LSAMP: variants seen among roughly 807,000 people sequenced by gnomAD.
LSAMP encodes the protein limbic system associated membrane protein, also known as limbic system-associated membrane protein.
LSAMP carries 7 observed loss-of-function variants against 38.6 expected under a neutral mutation model. The observed-to-expected ratio is 0.18, with a 90% CI of 0.10 to 0.34. The LOEUF (loss-of-function observed/expected upper bound fraction) is 0.34, where lower values mean the gene tolerates loss of function less well. LSAMP is among the 10% of genes least tolerant of loss of function. The pLI, the probability that LSAMP is intolerant of heterozygous loss-of-function variation, is 1.00. For synonymous variants in LSAMP, 154 were observed against 166.8 expected (o/e 0.92, Z 0.59); for missense variants, 313 against 420.0 (o/e 0.75, Z 2.23).
In LSAMP at chr3:115,859,596, C is replaced by T. The variant is rs150796475; in HGVS notation, c.515-6979G>A. Among the ~76,000 whole-genome samples the T allele has an allele frequency of 7.6e-4, 115 of 152,292 alleles. 2 individuals are homozygous for T. In the East Asian group the frequency reaches 0.02, roughly 26 times the overall value. The stretch of plus-strand genomic sequence containing the variant: ...CAAATTGGCCCCATGCCTTCTGCAA[C>T]CCCAAAGGATGTAGTTAGTACCCAG... On this transcript the variant is annotated intron_variant, in intron 3 of 6. Transcript: ENST00000490035.
In LSAMP at chr3:116,435,039, G is replaced by A. The variant is rs371919408; in HGVS notation, c.155+9838C>T. ...TTAACCAAAGCAGGAAGAAGCACTA[G>A]TTCAGTTCTTACTTAATGTCAGACC... On this transcript the variant is annotated intron_variant, in intron 1 of 6. Coordinates refer to ENST00000490035, the MANE Select transcript of LSAMP (RefSeq NM_002338.5). Among the ~76,000 whole-genome samples the A allele has an allele frequency of 2.6e-5, 4 of 152,280 alleles. No homozygotes were observed. In the South Asian group the frequency reaches 8.3e-4, roughly 32 times the overall value.
At position 116,019,517 on chromosome 3, in the gene LSAMP, G is replaced by C; in HGVS notation, c.512C>G (p.Thr171Ser). Residue 171 changes from threonine (T) to serine (S), a missense_variant and splice_region_variant, in exon 3 of 7, where the codon ACT becomes AGT. Thr to Ser is a moderately conservative substitution (Grantham distance 58). Transcript: ENST00000490035. ...TTGGAACCTGGAGTATTGCTTACCA[G>C]TTGGTGTAAGGTGTCTCCAGGTGAT... Reference protein sequence around the residue: ...PVITWRHLTPTGREFEGEEEY... With the variant: ...PVITWRHLTPSGREFEGEEEY... 1 of 1,611,778 alleles carries C rather than the reference G, an allele frequency of 6.2e-7. No individual in the cohort carries two copies. Among genetic ancestry groups the C allele is most frequent in the Non-Finnish European group, 8.5e-7 (1 of 1,178,414 alleles).
chr3:116,271,441 C>A (rs535960188), intron 1 of LSAMP, among the ~76,000 whole-genome samples: 1 of 152,022 alleles, frequency 6.6e-6, no homozygotes, highest in East Asian at 1.9e-4. Context: ...AAATAACACT[C>A]CAAGGAGTTA....
intron 3 of LSAMP, among the ~76,000 whole-genome samples, chr3:115,904,534 T>G (rs534238321): frequency 6.4e-4 from 98 of 152,208 alleles, no homozygotes; most frequent in Non-Finnish European, 1.2e-3. Flanking sequence ...ACCAAACACT[T>G]TACAACTTAT....
intron 1 of LSAMP, among the ~76,000 whole-genome samples, chr3:116,091,910 C>T (rs1015762418): frequency 1.3e-5 from 2 of 152,224 alleles, no homozygotes; most frequent in Non-Finnish European, 1.5e-5. Context: ...CTATAAAGTG[C>T]CACCTCTTCA....
Position 116,312,158 on chromosome 3 carries a change from C to T in LSAMP, c.155+132719G>A, listed in dbSNP as rs149631010. Among the ~76,000 whole-genome samples, 722 of 152,236 alleles carry T rather than the reference C, an allele frequency of 4.7e-3. 4 individuals are homozygous for T. The highest frequency in any genetic ancestry group is 0.016 in the African/African-American group (684 of 41,556). On this transcript the variant is annotated intron_variant, in intron 1 of 6. Transcript: ENST00000490035. ...AAAATCTTTTGCTTCACCCTAAATT[C>T]GCATGTACTCCCACATTTTCCTCTC...
intron 2 of LSAMP, among the ~76,000 whole-genome samples, chr3:116,027,810 G>C (rs556400216): frequency 2.6e-5 from 4 of 152,310 alleles, no homozygotes; most frequent in South Asian, 2.1e-4. Flanking sequence ...CAGAGTAGGA[G>C]AGAAAAGTGG....
At chr3:115,893,380 A>C (rs1445301535) in intron 3 of LSAMP, among the ~76,000 whole-genome samples, 1 of 152,038 alleles carries the variant, frequency 6.6e-6, no homozygotes, top group Admixed American at 6.6e-5. Flanking sequence ...AATATTGTCA[A>C]CTCAAATAAT....
chr3:115,854,250 A>ATAT (rs769267859), intron 3 of LSAMP, among the ~76,000 whole-genome samples: 1,270 of 124,132 alleles, frequency 0.01, 18 homozygotes, highest in Middle Eastern at 0.048. Context: ...ATATAGTTAA[A>ATAT]TATTATTATT....
At position 116,152,411 on chromosome 3, in the gene LSAMP, G is replaced by T. The variant is rs537037044; in HGVS notation, c.156-65855C>A. 2.6e-5 allele frequency among the ~76,000 whole-genome samples: 4 copies of T among 152,176 alleles called. No individual in the cohort carries two copies. The South Asian group carries it at 8.3e-4, about 32-fold the overall frequency. ...GCAGAAAGTCACACAGCTAGTCAGTGGTGGAGCTGGGGTGCACATCCAAGC... is the reference window on the plus strand; with the variant it reads ...GCAGAAAGTCACACAGCTAGTCAGTTGTGGAGCTGGGGTGCACATCCAAGC... On this transcript the variant is annotated intron_variant, in intron 1 of 6. Transcript: ENST00000490035.
chr3:116,009,756 T>A (rs1940270741), intron 3 of LSAMP, among the ~76,000 whole-genome samples: 1 of 152,052 alleles, frequency 6.6e-6, no homozygotes. Context: ...ACTTATTAAC[T>A]GTCAGAGTGG....
intron 3 of LSAMP, among the ~76,000 whole-genome samples, chr3:116,018,491 T>C (rs1434564643): frequency 2.0e-5 from 3 of 152,182 alleles, no homozygotes; most frequent in Non-Finnish European, 4.4e-5. Flanking sequence ...TAGTTACTTA[T>C]ATGAGGAAAT....
At chr3:116,076,598 C>A (rs549898311) in intron 2 of LSAMP, among the ~76,000 whole-genome samples, 21 of 152,218 alleles carry the variant, frequency 1.4e-4, no homozygotes, top group Admixed American at 1.3e-3. Context: ...CCTGTCCATT[C>A]TTCATAATTA....
At position 116,066,938 on chromosome 3, in the gene LSAMP, G is replaced by T. The variant is rs138543749; in HGVS notation, c.388+19386C>A. Among the ~76,000 whole-genome samples the T allele has an allele frequency of 2.4e-3, 362 of 151,536 alleles. 1 individual carries two copies. The highest frequency in any genetic ancestry group is 6.0e-3 in the South Asian group (29 of 4,798). On this transcript the variant is annotated intron_variant, in intron 2 of 6. Transcript: ENST00000490035. ...TTTTGCAAATAAGTATTCTATATTT[G>T]ATATTTCAAACAACTGTGGAAATCT...
chr3:116,431,887 A>G (rs1795284), intron 1 of LSAMP, among the ~76,000 whole-genome samples: 99,054 of 151,768 alleles, frequency 0.65, 33,351 homozygotes, highest in East Asian at 0.76. Flanking sequence ...TATATTTTTA[A>G]AAAATACAGT....
chr3:116,156,202 A>G (rs1364468552), intron 1 of LSAMP, among the ~76,000 whole-genome samples: 1 of 152,140 alleles, frequency 6.6e-6, no homozygotes, highest in Non-Finnish European at 1.5e-5. Flanking sequence ...AAGGAAATGA[A>G]AGAAGGGGAA....
At chr3:115,939,929 C>A (rs1937852862) in intron 3 of LSAMP, among the ~76,000 whole-genome samples, 1 of 152,020 alleles carries the variant, frequency 6.6e-6, no homozygotes, top group Non-Finnish European at 1.5e-5. Context: ...AAGAATGAAG[C>A]CACGGACCCT....
intron 2 of LSAMP, among the ~76,000 whole-genome samples, chr3:116,052,865 C>A (rs964316683): frequency 1.3e-5 from 2 of 152,188 alleles, no homozygotes; most frequent in Admixed American, 1.3e-4. Context: ...ACTCTCTAAC[C>A]TGGTGCAGAG....
chr3:115,839,593 C>T (rs1225125178), intron 6 of LSAMP, among the ~76,000 whole-genome samples: 3 of 152,100 alleles, frequency 2.0e-5, no homozygotes, highest in Non-Finnish European at 4.4e-5. Context: ...TGCCTCAAAG[C>T]TTAATGATCT....
Sources: gnomAD v4.1 joint callset for allele counts (sites outside exome capture counted in the v4.1 genomes callset) on GRCh38, gnomAD v4.1.1 for gene constraint, MANE v1.5 for transcripts, NCBI Gene and HGNC (gene_info 2026-07-23, HGNC 2026-07-21) for gene names.